DYM: variants seen among roughly 807,000 people sequenced by gnomAD.
DYM encodes dymeclin, also known as dyggve-Melchior-Clausen syndrome protein.
A neutral mutation model predicts 93.1 loss-of-function variants in DYM; 78 were observed. That is an observed-to-expected ratio of 0.84 (90% CI 0.70 to 1.01). DYM has a LOEUF of 1.01. Ranked by LOEUF, DYM falls within the 50% of genes least tolerant of loss-of-function variation. The pLI is 0.00. For missense variants in DYM, 789 were observed against 845.0 expected, an observed-to-expected ratio of 0.93 and a Z score of 0.82; for synonymous variants, 321 against 319.7, an observed-to-expected ratio of 1.00 and a Z score of -0.04.
chr18:49,390,569 G>A (rs1394650066), intron 3 of DYM, among the ~76,000 whole-genome samples: 1 of 151,660 alleles, frequency 6.6e-6, no homozygotes, highest in African/African-American at 2.4e-5. Context: ...GTGCAGTGGC[G>A]CGATCTCGGC....
At chr18:49,085,606 C>CTTGTTTTT (rs2078439630) in intron 17 of DYM, among the ~76,000 whole-genome samples, 1 of 102,156 alleles carries the variant, frequency 9.8e-6, no homozygotes, top group Non-Finnish European at 2.0e-5. Flanking sequence ...ACAACTGGTC[C>CTTGTTTTT]TTTTTTTTTT....
At chr18:49,130,395 A>C (rs2083274798) in intron 15 of DYM, among the ~76,000 whole-genome samples, 1 of 152,214 alleles carries the variant, frequency 6.6e-6, no homozygotes, top group Non-Finnish European at 1.5e-5. Context: ...ACAGGCATAA[A>C]TGCTTTTAAC....
intron 8 of DYM, among the ~76,000 whole-genome samples, chr18:49,289,883 G>A (rs2187189): frequency 6.7e-6 from 1 of 148,416 alleles, no homozygotes; most frequent in Non-Finnish European, 1.5e-5. Flanking sequence ...ATGTAATGAT[G>A]ATGAGATGAC....
chr18:49,106,350 T>C (rs571790052), intron 16 of DYM, among the ~76,000 whole-genome samples: 219 of 152,334 alleles, frequency 1.4e-3, no homozygotes, highest in African/African-American at 4.8e-3. Context: ...GGGTCTTGAC[T>C]CTTTATCCAA....
intron 2 of DYM, among the ~76,000 whole-genome samples, chr18:49,413,333 A>G (rs1196605453): frequency 1.3e-5 from 2 of 152,210 alleles, no homozygotes; most frequent in African/African-American, 4.8e-5. Context: ...CAATAACAGA[A>G]CTAAAAAAAT....
intron 16 of DYM, among the ~76,000 whole-genome samples, chr18:49,110,280 CTTT>C (rs1471099622): frequency 6.6e-6 from 1 of 152,096 alleles, no homozygotes; most frequent in African/African-American, 2.4e-5. Context: ...TAAGAAAAAG[CTTT>C]TTATGTTTAC....
intron 2 of DYM, among the ~76,000 whole-genome samples, chr18:49,405,017 A>G (rs1054898468): frequency 5.9e-5 from 9 of 151,322 alleles, no homozygotes; most frequent in Non-Finnish European, 1.0e-4. Flanking sequence ...CATCTCAAAA[A>G]AAAAAAAAAA....
rs115214249 is a variant in DYM, at chr18:49,062,017, C to T, written c.2026-17813G>A. ...TTGCCTCTGGGAAAGGGTCTCTGTGCAGCTGACCTCATGGTGCCTGGATGT... is the reference window on the plus strand; with the variant it reads ...TTGCCTCTGGGAAAGGGTCTCTGTGTAGCTGACCTCATGGTGCCTGGATGT... On this transcript the variant is annotated intron_variant, in intron 17 of 17. Transcript: ENST00000675505. Among the ~76,000 whole-genome samples the T allele has an allele frequency of 7.3e-3, 1,118 of 152,294 alleles. 13 individuals are homozygous for T. Among genetic ancestry groups the T allele is most frequent in the African/African-American group, 0.025 (1,044 of 41,564 alleles).
At chr18:49,450,084 T>G (rs1274449877) in intron 1 of DYM, among the ~76,000 whole-genome samples, 2 of 152,184 alleles carry the variant, frequency 1.3e-5, no homozygotes, top group East Asian at 3.8e-4. Context: ...TATCTTAAAT[T>G]TAATAAGACA....
intron 15 of DYM, among the ~76,000 whole-genome samples, chr18:49,133,646 A>G (rs2083573414): frequency 6.6e-6 from 1 of 152,212 alleles, no homozygotes; most frequent in Non-Finnish European, 1.5e-5. Flanking sequence ...TGCCTCCTTC[A>G]TCTTCAAACC....
intron 17 of DYM, among the ~76,000 whole-genome samples, chr18:49,049,193 G>C (rs900348432): frequency 6.6e-6 from 1 of 152,036 alleles, no homozygotes; most frequent in South Asian, 2.1e-4. Flanking sequence ...TAATACAATT[G>C]ATTACCTATT....
At chr18:49,438,110 G>A (rs537440220) in intron 1 of DYM, among the ~76,000 whole-genome samples, 3 of 152,176 alleles carry the variant, frequency 2.0e-5, no homozygotes, top group East Asian at 1.9e-4. Context: ...GGAGTTCGAC[G>A]CTGCAGTGAG....
intron 17 of DYM, among the ~76,000 whole-genome samples, chr18:49,063,998 G>A (rs1465281444): frequency 1.3e-5 from 2 of 151,936 alleles, no homozygotes; most frequent in Non-Finnish European, 2.9e-5. Context: ...TTTAGACATT[G>A]GGAAAAAATC....
intron 15 of DYM, among the ~76,000 whole-genome samples, chr18:49,162,773 G>T (rs2087324844): frequency 6.6e-6 from 1 of 152,168 alleles, no homozygotes; most frequent in African/African-American, 2.4e-5. Flanking sequence ...TCTTTCTCAG[G>T]AATTGAGAAT....
intron 8 of DYM, among the ~76,000 whole-genome samples, chr18:49,323,866 G>A (rs76316518): frequency 0.029 from 4,429 of 152,212 alleles, 99 homozygotes; most frequent in South Asian, 0.072. Context: ...CATCTTTAAC[G>A]GATGGGCATG....
In DYM at chr18:49,363,166, T is replaced by A. The variant is rs758217498; in HGVS notation, c.489A>T (p.Pro163=). The A allele has an allele frequency of 9.9e-6, 16 of 1,612,824 alleles. No individual in the cohort carries two copies. Among genetic ancestry groups the A allele is most frequent in the Middle Eastern group, 3.3e-4 (2 of 6,056 alleles). The change falls in exon 6 of 18, where the codon CCA becomes CCT. Residue 163 remains proline, a synonymous_variant. Coordinates refer to ENST00000675505, the MANE Select transcript of DYM (RefSeq NM_001353214.3). ...CTGGCCTAGCCAGAACTTACAAGAG[T>A]GGAATATCAGTGATCAACTGCATCA... The part of the protein sequence containing the change: ...CCLMQLITDI[P]LLDITYEISV...
intron 8 of DYM, among the ~76,000 whole-genome samples, chr18:49,327,375 G>C (rs2062974694): frequency 6.6e-6 from 1 of 151,588 alleles, no homozygotes; most frequent in African/African-American, 2.4e-5. Flanking sequence ...TTGTTTTTTT[G>C]TTGTTGAGAC....
chr18:49,116,054 A>C (rs1362704704), intron 16 of DYM: 1 of 152,232 alleles, frequency 6.6e-6, no homozygotes, highest in African/African-American at 2.4e-5. Context: ...ATAGAAACCA[A>C]TATCCTTGTG....
chr18:49,139,004 G>A (rs932196582), intron 15 of DYM, among the ~76,000 whole-genome samples: 1 of 152,152 alleles, frequency 6.6e-6, no homozygotes, highest in Non-Finnish European at 1.5e-5. Context: ...GTTAGACTAT[G>A]CTTTAGAGAG....
Sources: gnomAD v4.1 joint callset for allele counts (sites outside exome capture counted in the v4.1 genomes callset) on GRCh38, gnomAD v4.1.1 for gene constraint, MANE v1.5 for transcripts, NCBI Gene and HGNC (gene_info 2026-07-23, HGNC 2026-07-21) for gene names.